TENM1: variants seen among roughly 807,000 people sequenced by gnomAD.
TENM1 encodes teneurin-1.
Under a neutral mutation model 174.8 loss-of-function variants are expected in TENM1, and 35 were observed. The ratio of observed to expected loss-of-function variants is 0.20; its 90% confidence interval spans 0.15 to 0.27. The LOEUF is 0.27. Ranked by LOEUF, TENM1 falls within the 10% of genes least tolerant of loss-of-function variation. The pLI is 1.00. For synonymous variants in TENM1, 781 were observed against 798.7 expected (o/e 0.98, Z 0.37); for missense variants, 1,633 against 2,130.1 (o/e 0.77, Z 4.59).
chrX:124,802,527 T>A (rs1176776842), intron 3 of TENM1, among the ~76,000 whole-genome samples: 1 of 111,139 alleles, frequency 9.0e-6, no homozygotes, highest in East Asian at 2.9e-4. Context: ...ACTGCCTCCC[T>A]TGGCTGGGGG....
At chrX:125,078,266 T>G in the TENM1 span, among the ~76,000 whole-genome samples, 1 of 111,921 alleles carries the variant, frequency 8.9e-6, no homozygotes, top group East Asian at 2.8e-4. Context: ...TACTGAAAAG[T>G]AGAACTGTTA....
chrX:124,888,419 G>C (rs999402439), intron 3 of TENM1, among the ~76,000 whole-genome samples: 1 of 111,717 alleles, frequency 9.0e-6, no homozygotes, highest in East Asian at 2.8e-4. Context: ...CAATGACAAC[G>C]GGAAATACAA....
At chrX:125,125,711 G>C in the TENM1 span, among the ~76,000 whole-genome samples, 2 of 111,725 alleles carry the variant, frequency 1.8e-5, no homozygotes, top group African/African-American at 6.5e-5. Context: ...TGACGACCTT[G>C]ATGTCCCTGT....
In TENM1 at chrX:124,819,159, A is replaced by G. The variant is rs763437895; in HGVS notation, c.535+75137T>C. ...AAATTGACTATGTGTTATTATTGACAGCAAAATCAAGAATGGCTAGCATGA... is the reference window on the plus strand; with the variant it reads ...AAATTGACTATGTGTTATTATTGACGGCAAAATCAAGAATGGCTAGCATGA... On this transcript the variant is annotated intron_variant, in intron 3 of 31. Transcript: ENST00000422452. Among the ~76,000 whole-genome samples the G allele has an allele frequency of 3.0e-4, 34 of 112,203 alleles. 1 individual carries two copies. Among genetic ancestry groups the G allele is most frequent in the Non-Finnish European group, 6.0e-4 (32 of 53,244 alleles).
At chrX:124,471,743 GTAATATA>G (rs1169510975) in intron 22 of TENM1, among the ~76,000 whole-genome samples, 1 of 90,952 alleles carries the variant, frequency 1.1e-5, no homozygotes, top group Admixed American at 1.4e-4. Context: ...ACAATATAGA[GTAATATA>G]TAATATATAC....
upstream of TENM1, among the ~76,000 whole-genome samples, chrX:124,967,082 T>C (rs922867461): frequency 7.1e-5 from 8 of 111,908 alleles, 1 homozygote; most frequent in South Asian, 7.4e-4. Context: ...ACAGTAATGT[T>C]TGAGCACTAA....
At chrX:124,442,062 A>T (rs1175906825) in intron 23 of TENM1, among the ~76,000 whole-genome samples, 1 of 112,162 alleles carries the variant, frequency 8.9e-6, no homozygotes, top group African/African-American at 3.2e-5. Context: ...TGTGTTTTCA[A>T]ATATTTCAGA....
chrX:125,120,067 G>C, the TENM1 span, among the ~76,000 whole-genome samples: 2 of 111,259 alleles, frequency 1.8e-5, no homozygotes, highest in Non-Finnish European at 3.8e-5. Context: ...TACTACAAAA[G>C]TCTGTCTAAA....
the TENM1 span, among the ~76,000 whole-genome samples, chrX:124,987,518 G>A: frequency 9.0e-6 from 1 of 111,342 alleles, no homozygotes; most frequent in East Asian, 2.8e-4. Context: ...ACATGTTTAT[G>A]ATACAATGAT....
chrX:124,888,783 G>T (rs1036550132), intron 3 of TENM1, among the ~76,000 whole-genome samples: 1 of 111,836 alleles, frequency 8.9e-6, no homozygotes, highest in Non-Finnish European at 1.9e-5. Context: ...CATTTTAACA[G>T]ACACACTGTA....
intron 6 of TENM1, among the ~76,000 whole-genome samples, chrX:124,654,595 A>G (rs747476977): frequency 8.9e-6 from 1 of 111,886 alleles, no homozygotes; most frequent in African/African-American, 3.2e-5. Context: ...AAAAGAGGAA[A>G]GAAACTGTAA....
intron 1 of TENM1, among the ~76,000 whole-genome samples, chrX:124,932,202 A>G (rs1430757930): frequency 8.9e-6 from 1 of 112,163 alleles, no homozygotes; most frequent in East Asian, 2.8e-4. Flanking sequence ...GCCAAACTAG[A>G]GTTCAATATC....
the TENM1 span, among the ~76,000 whole-genome samples, chrX:125,131,591 G>T: frequency 8.9e-6 from 1 of 112,101 alleles, no homozygotes; most frequent in Non-Finnish European, 1.9e-5. Context: ...TTGCCTTGAA[G>T]AATGGAGTAG....
Position 124,479,411 on chromosome X carries a change from GA to G in TENM1, c.3949+2320del, listed in dbSNP as rs200426272. Among the ~76,000 whole-genome samples the G allele has an allele frequency of 3.6e-5, 4 of 112,109 alleles. No individual in the cohort carries two copies. The East Asian group carries it at 1.1e-3, about 31-fold the overall frequency. On this transcript the variant is annotated intron_variant, in intron 22 of 31. Transcript: ENST00000422452. ...TGAAGTGTACCAGATTATGGCAAAG[GA>G]AGCTCTCGGATAGAAGGATGAGTAA...
At chrX:124,641,658 AC>A in intron 11 of TENM1, 132 bp downstream of exon 14, 6 of 561,835 alleles carry the variant, frequency 1.1e-5, no homozygotes, top group Non-Finnish European at 1.8e-5. Context: ...TAAAATACTA[AC>A]CTAGGACATA....
intron 3 of TENM1, among the ~76,000 whole-genome samples, chrX:124,818,215 T>C (rs1303691459): frequency 8.9e-6 from 1 of 111,777 alleles, no homozygotes; most frequent in Non-Finnish European, 1.9e-5. Flanking sequence ...TGATAATGCA[T>C]GTAAAGAGCT....
chrX:124,601,319 C>A (rs1268248664), intron 11 of TENM1, among the ~76,000 whole-genome samples: 1 of 110,682 alleles, frequency 9.0e-6, no homozygotes, highest in Non-Finnish European at 1.9e-5. Flanking sequence ...GTCAAACTTA[C>A]GTGTGAGAGA....
the TENM1 span, among the ~76,000 whole-genome samples, chrX:124,985,789 TG>T: frequency 2.7e-5 from 3 of 112,112 alleles, no homozygotes; most frequent in South Asian, 1.1e-3. Flanking sequence ...AATTAATGTT[TG>T]GGAAGCAGTC....
chrX:125,027,721 C>T, the TENM1 span, among the ~76,000 whole-genome samples: 1 of 104,888 alleles, frequency 9.5e-6, no homozygotes, highest in South Asian at 4.3e-4. Context: ...TCAAGTGATT[C>T]TCCTGCCTCA....
Sources: allele counts gnomAD v4.1 joint callset (sites outside exome capture counted in the v4.1 genomes callset), GRCh38; gene constraint gnomAD v4.1.1; transcripts MANE v1.5; gene names NCBI Gene and HGNC (gene_info 2026-07-23, HGNC 2026-07-21).